TP63: variants seen among roughly 807,000 people sequenced by gnomAD.
The protein encoded by TP63 is tumor protein p63.
In TP63, 17 loss-of-function variants were observed where a neutral mutation model predicts 82.8. That is an observed-to-expected ratio of 0.21 (90% CI 0.14 to 0.31). TP63 has a LOEUF of 0.31. Among genes scored for constraint, TP63 ranks in the 10% least tolerant of loss-of-function variants. TP63 has a pLI of 1.00. For synonymous variants in TP63, 330 were observed against 321.7 expected (o/e 1.03, Z -0.28); for missense variants, 648 against 895.3 (o/e 0.72, Z 3.52).
chr3:189,812,799 G>A (rs764474285), intron 4 of TP63, among the ~76,000 whole-genome samples: 1 of 152,034 alleles, frequency 6.6e-6, no homozygotes, highest in Non-Finnish European at 1.5e-5. Flanking sequence ...GTTTTGTTGA[G>A]GCTTCGACAA....
chr3:189,677,443 T>TAC (rs71173302), intron 1 of TP63, among the ~76,000 whole-genome samples: 35,433 of 147,048 alleles, frequency 0.24, 4,949 homozygotes, highest in East Asian at 0.57. Flanking sequence ...CATATATATA[T>TAC]ACACACATAT....
At chr3:189,841,679 A>G (rs1445925688) in intron 4 of TP63, among the ~76,000 whole-genome samples, 1 of 152,204 alleles carries the variant, frequency 6.6e-6, no homozygotes, top group East Asian at 1.9e-4. Context: ...TCCCAGAATG[A>G]ATGGTTTCTG....
At chr3:189,784,144 A>T (rs1248016934) in intron 3 of TP63, among the ~76,000 whole-genome samples, 3 of 151,936 alleles carry the variant, frequency 2.0e-5, no homozygotes, top group Non-Finnish European at 4.4e-5. Flanking sequence ...TATTTTTGTA[A>T]CCTAAAATTT....
chr3:189,883,972 T>G (rs1720184179), intron 10 of TP63, among the ~76,000 whole-genome samples: 1 of 152,210 alleles, frequency 6.6e-6, no homozygotes. Context: ...AATGTATTTT[T>G]ATTTTTCTAA....
chr3:189,639,361 A>G (rs1409766404), intron 1 of TP63, among the ~76,000 whole-genome samples: 1 of 152,198 alleles, frequency 6.6e-6, no homozygotes, highest in Non-Finnish European at 1.5e-5. Context: ...GTGTTTTACC[A>G]TAAACCATAA....
intron 1 of TP63, among the ~76,000 whole-genome samples, chr3:189,659,302 A>G (rs1461524786): frequency 6.6e-6 from 1 of 152,052 alleles, no homozygotes; most frequent in Non-Finnish European, 1.5e-5. Flanking sequence ...ACATGAGAGC[A>G]TGCAGTATTT....
intron 1 of TP63, among the ~76,000 whole-genome samples, chr3:189,667,441 G>T (rs925353411): frequency 6.6e-6 from 1 of 152,038 alleles, no homozygotes; most frequent in Non-Finnish European, 1.5e-5. Context: ...CCAAAGTGCT[G>T]GGATTAGAGG....
chr3:189,700,194 TTTTCC>T (rs1293470683), intron 1 of TP63, among the ~76,000 whole-genome samples: 1 of 152,136 alleles, frequency 6.6e-6, no homozygotes, highest in Non-Finnish European at 1.5e-5. Context: ...TCATTTTGAT[TTTTCC>T]AATTGAGGTT....
chr3:189,790,956 G>C (rs929063931), intron 3 of TP63, among the ~76,000 whole-genome samples: 2 of 152,106 alleles, frequency 1.3e-5, no homozygotes, highest in Non-Finnish European at 2.9e-5. Context: ...ATACAACAGG[G>C]GAAATATCGA....
chr3:189,721,044 C>G (rs1719354207), intron 1 of TP63, among the ~76,000 whole-genome samples: 1 of 152,180 alleles, frequency 6.6e-6, no homozygotes, highest in Non-Finnish European at 1.5e-5. Context: ...GATGAAGTTG[C>G]TATAAGAGGA....
intron 4 of TP63, among the ~76,000 whole-genome samples, chr3:189,840,984 G>A (rs1296281170): frequency 6.6e-6 from 1 of 151,806 alleles, no homozygotes; most frequent in African/African-American, 2.4e-5. Flanking sequence ...TACTGTTGTA[G>A]GTCAGCAATA....
intron 1 of TP63, among the ~76,000 whole-genome samples, chr3:189,672,995 C>T (rs1715059777): frequency 6.6e-6 from 1 of 152,078 alleles, no homozygotes; most frequent in Middle Eastern, 3.2e-3. Flanking sequence ...CTCCTGCCAC[C>T]ACGCCTGGCT....
chr3:189,816,469 C>T (rs771333791), intron 4 of TP63, among the ~76,000 whole-genome samples: 9 of 152,066 alleles, frequency 5.9e-5, no homozygotes, highest in Non-Finnish European at 1.2e-4. Context: ...GGTAAAGGGC[C>T]GATGTATGTT....
chr3:189,719,954 C>T (rs1358939804), intron 1 of TP63, among the ~76,000 whole-genome samples: 5 of 152,220 alleles, frequency 3.3e-5, no homozygotes, highest in Admixed American at 1.3e-4. Context: ...CTCATTTATT[C>T]TGTTTCTAAA....
At chr3:189,789,868 C>A in intron 3 of TP63, 1 of 1,530,226 alleles carries the variant, frequency 6.5e-7, no homozygotes, top group Non-Finnish European at 8.7e-7. Flanking sequence ...TTTAGCACTC[C>A]ATTTAGAGAT....
rs1716541379 is a variant in TP63, at chr3:189,858,200, T to C, written c.580-6032T>C. 1.2e-4 allele frequency among the ~76,000 whole-genome samples: 2 copies of C among 16,320 alleles called. 1 individual carries two copies. Among genetic ancestry groups the C allele is most frequent in the Non-Finnish European group, 2.9e-4 (2 of 6,998 alleles). The allele number at this position is 16,320 out of a possible 152,430, so 10.7% of individuals were successfully genotyped here. A position where few individuals can be genotyped will look rare whatever the true frequency, so the allele number is the denominator to read the frequency against. Reference sequence around the variant, plus strand: ...GCGGGCGGATCACGAGGTCAGGAGATCGAGACCATCCTGGCTAACACGGTG... The same window carrying C: ...GCGGGCGGATCACGAGGTCAGGAGACCGAGACCATCCTGGCTAACACGGTG... On this transcript the variant is annotated intron_variant, in intron 4 of 13. Coordinates refer to ENST00000264731, the MANE Select transcript of TP63 (RefSeq NM_003722.5).
At chr3:189,797,330 C>T (rs1006294519) in intron 3 of TP63, among the ~76,000 whole-genome samples, 2 of 151,998 alleles carry the variant, frequency 1.3e-5, no homozygotes, top group African/African-American at 4.8e-5. Flanking sequence ...GTATAATACC[C>T]CTATGAGAAT....
chr3:189,787,804 G>T (rs1724732253), intron 3 of TP63, among the ~76,000 whole-genome samples: 1 of 151,986 alleles, frequency 6.6e-6, no homozygotes, highest in African/African-American at 2.4e-5. Flanking sequence ...TGATTCCCAA[G>T]CGTGACTCAT....
intron 1 of TP63, among the ~76,000 whole-genome samples, chr3:189,695,139 A>G (rs1456733413): frequency 6.6e-6 from 1 of 151,958 alleles, no homozygotes; most frequent in Non-Finnish European, 1.5e-5. Flanking sequence ...ATTTTTCTGC[A>G]TGGGAGACGT....
Sources: allele counts gnomAD v4.1 joint callset (sites outside exome capture counted in the v4.1 genomes callset), GRCh38; gene constraint gnomAD v4.1.1; transcripts MANE v1.5; gene names NCBI Gene and HGNC (gene_info 2026-07-23, HGNC 2026-07-21).